The following TASP1 variants were observed in gnomAD, a reference collection of about 807,000 sequenced individuals.
TASP1 encodes the protein taspase 1.
TASP1 carries 16 observed loss-of-function variants against 56.6 expected under a neutral mutation model. That is an observed-to-expected ratio of 0.28 (90% CI 0.19 to 0.43). The LOEUF is 0.43. Among genes scored for constraint, TASP1 ranks in the 20% least tolerant of loss-of-function variants. TASP1 has a pLI of 1.00. For missense variants in TASP1, 393 were observed against 511.6 expected (o/e 0.77, Z 2.24); for synonymous variants, 179 against 184.2 (o/e 0.97, Z 0.23).
chr20:13,282,452 G>A, the TASP1 span, among the ~76,000 whole-genome samples: 1 of 152,232 alleles, frequency 6.6e-6, no homozygotes, highest in Non-Finnish European at 1.5e-5. Flanking sequence ...ACAGAGTACA[G>A]TTTGCTGAAT....
chr20:13,174,771 A>T, the TASP1 span, among the ~76,000 whole-genome samples: 1 of 151,964 alleles, frequency 6.6e-6, no homozygotes, highest in South Asian at 2.1e-4. Flanking sequence ...CATCTACAAG[A>T]TGCATTAAAA....
chr20:13,127,855 T>C, the TASP1 span, among the ~76,000 whole-genome samples: 1 of 152,196 alleles, frequency 6.6e-6, no homozygotes, highest in East Asian at 1.9e-4. Context: ...TTCGGTGTTA[T>C]GACTCTGCAT....
chr20:13,350,946 G>A, the TASP1 span, among the ~76,000 whole-genome samples: 7 of 149,222 alleles, frequency 4.7e-5, no homozygotes, highest in African/African-American at 1.7e-4. Context: ...AGTAATCCTT[G>A]CACCTTGGCT....
At chr20:13,295,828 A>AG in the TASP1 span, among the ~76,000 whole-genome samples, 2 of 152,186 alleles carry the variant, frequency 1.3e-5, no homozygotes, top group Non-Finnish European at 2.9e-5. Flanking sequence ...GAGAGCAGCC[A>AG]GGGGGTGGAT....
intron 11 of TASP1, among the ~76,000 whole-genome samples, chr20:13,436,649 G>A (rs2043015553): frequency 6.6e-6 from 1 of 152,162 alleles, no homozygotes; most frequent in African/African-American, 2.4e-5. Context: ...ACAGGGAGCT[G>A]AGGTGTAAGT....
the TASP1 span, among the ~76,000 whole-genome samples, chr20:13,118,950 G>A: frequency 1.3e-5 from 2 of 152,140 alleles, no homozygotes; most frequent in Non-Finnish European, 2.9e-5. Flanking sequence ...GCTTTCTTTC[G>A]GGCTCAAAGC....
At chr20:13,484,806 A>T (rs181120426) in intron 10 of TASP1, among the ~76,000 whole-genome samples, 1 of 152,150 alleles carries the variant, frequency 6.6e-6, no homozygotes, top group Admixed American at 6.6e-5. Flanking sequence ...AGCCATAAAA[A>T]CGGATGAGTT....
At chr20:13,445,271 T>C (rs2043365104) in intron 11 of TASP1, among the ~76,000 whole-genome samples, 2 of 152,284 alleles carry the variant, frequency 1.3e-5, no homozygotes, top group East Asian at 1.9e-4. Context: ...TAATCAATCA[T>C]ATATGTACCT....
At chr20:13,366,650 C>A in the TASP1 span, among the ~76,000 whole-genome samples, 1 of 152,138 alleles carries the variant, frequency 6.6e-6, no homozygotes, top group African/African-American at 2.4e-5. Flanking sequence ...AAAGGTCAGC[C>A]AAACACAAGT....
At chr20:13,171,794 G>GA in the TASP1 span, among the ~76,000 whole-genome samples, 2 of 151,894 alleles carry the variant, frequency 1.3e-5, no homozygotes, top group African/African-American at 2.4e-5. Flanking sequence ...TAGCCAAGGA[G>GA]AAAAAAATGA....
chr20:13,459,729 C>G (rs983271184), intron 11 of TASP1, among the ~76,000 whole-genome samples: 17 of 152,190 alleles, frequency 1.1e-4, no homozygotes, highest in Admixed American at 5.2e-4. Context: ...AAAGAACTTT[C>G]ATCAGCCCCC....
chr20:13,337,056 T>A, the TASP1 span, among the ~76,000 whole-genome samples: 8,408 of 152,252 alleles, frequency 0.055, 344 homozygotes, highest in East Asian at 0.16. Context: ...TTTTGATGTA[T>A]GAATAGAGGC....
At chr20:13,288,721 G>T in the TASP1 span, 2 of 1,573,328 alleles carry the variant, frequency 1.3e-6, no homozygotes, top group Non-Finnish European at 1.7e-6. Flanking sequence ...AGTTCAAGGG[G>T]AAAGCTTTTT....
At position 13,483,207 on chromosome 20, in the gene TASP1, C is replaced by T; in HGVS notation, c.985+20G>A. ...ATAATCCATATTTAGAAGATGTAAT[C>T]TTCTTAATGTTATACTTACTGATAA... On this transcript the variant is annotated intron_variant, in intron 11 of 13. Transcript: ENST00000337743. 1 of 1,507,868 alleles carries T rather than the reference C, an allele frequency of 6.6e-7. No individual in the cohort carries two copies. The highest frequency in any genetic ancestry group is 9.0e-7 in the Non-Finnish European group (1 of 1,112,116). The allele number at this position is 1,507,868 out of a possible 1,614,324, so 93.4% of individuals were successfully genotyped here. A position where few individuals can be genotyped will look rare whatever the true frequency, so the allele number is the denominator to read the frequency against.
At chr20:13,246,635 A>G in the TASP1 span, among the ~76,000 whole-genome samples, 2 of 152,228 alleles carry the variant, frequency 1.3e-5, no homozygotes, top group African/African-American at 2.4e-5. Context: ...GAAACCTGAG[A>G]CCCGGAAAGT....
chr20:13,366,370 G>A, the TASP1 span, among the ~76,000 whole-genome samples: 13 of 152,302 alleles, frequency 8.5e-5, no homozygotes, highest in South Asian at 2.7e-3. Flanking sequence ...AGAAACCAGG[G>A]AGGGATGAGG....
chr20:13,280,468 G>C, the TASP1 span, among the ~76,000 whole-genome samples: 5 of 151,734 alleles, frequency 3.3e-5, no homozygotes, highest in African/African-American at 1.2e-4. Context: ...GGATAAGTGA[G>C]GTAACACCTT....
At chr20:13,330,597 T>A in the TASP1 span, among the ~76,000 whole-genome samples, 1 of 152,210 alleles carries the variant, frequency 6.6e-6, no homozygotes, top group African/African-American at 2.4e-5. Flanking sequence ...TTATTATGTC[T>A]TCTTTAAATG....
chr20:13,556,903 T>C (rs1339045647), intron 8 of TASP1, among the ~76,000 whole-genome samples: 1 of 152,240 alleles, frequency 6.6e-6, no homozygotes, highest in Non-Finnish European at 1.5e-5. Flanking sequence ...TTTTCCTTCA[T>C]AACAGTTACA....
Sources: gnomAD v4.1 joint callset for allele counts (sites outside exome capture counted in the v4.1 genomes callset) on GRCh38, gnomAD v4.1.1 for gene constraint, MANE v1.5 for transcripts, NCBI Gene and HGNC (gene_info 2026-07-23, HGNC 2026-07-21) for gene names.